Variants in GALK2 observed in about 807,000 individuals in gnomAD.
GALK2 encodes the protein N-acetylgalactosamine kinase.
In GALK2, 36 loss-of-function variants were observed where a neutral mutation model predicts 52.4. That is an observed-to-expected ratio of 0.69 (90% CI 0.53 to 0.91). GALK2 has a LOEUF of 0.91. Among genes scored for constraint, GALK2 ranks in the 40% least tolerant of loss-of-function variants. The pLI is 0.00. For missense variants in GALK2, 579 were observed against 559.1 expected (o/e 1.04, Z -0.36); for synonymous variants, 176 against 199.1 (o/e 0.88, Z 0.98).
At chr15:49,248,205 A>T (rs1379348071) in intron 5 of GALK2, among the ~76,000 whole-genome samples, 2 of 152,228 alleles carry the variant, frequency 1.3e-5, no homozygotes, top group Non-Finnish European at 2.9e-5. Context: ...AATGAAAAGG[A>T]TCTCAAAATT....
At chr15:49,315,897 AC>A (rs749328411) in intron 8 of GALK2, among the ~76,000 whole-genome samples, 6 of 152,180 alleles carry the variant, frequency 3.9e-5, no homozygotes, top group Non-Finnish European at 7.3e-5. Context: ...TTAATAGAAA[AC>A]ATCTCTCTGG....
intron 1 of GALK2, among the ~76,000 whole-genome samples, chr15:49,186,542 CTTTT>C (rs71299506): frequency 1.5e-5 from 2 of 131,090 alleles, no homozygotes; most frequent in Non-Finnish European, 1.6e-5. Context: ...GAATTTTTTT[CTTTT>C]TTTTTTTTTT....
At chr15:49,272,683 T>C (rs2030892329) in intron 5 of GALK2, among the ~76,000 whole-genome samples, 2 of 152,146 alleles carry the variant, frequency 1.3e-5, no homozygotes, top group Admixed American at 6.5e-5. Flanking sequence ...TCTGGAGAAA[T>C]ATCCAAGGTT....
chr15:49,171,886 C>T (rs2085125107), intron 1 of GALK2, among the ~76,000 whole-genome samples: 1 of 152,026 alleles, frequency 6.6e-6, no homozygotes, highest in Non-Finnish European at 1.5e-5. Flanking sequence ...ATTCTCCTGC[C>T]TTAGCCTCCA....
intron 5 of GALK2, among the ~76,000 whole-genome samples, chr15:49,264,146 A>T (rs1024254496): frequency 6.6e-6 from 1 of 151,468 alleles, no homozygotes; most frequent in South Asian, 2.1e-4. Context: ...GTTCTCCTGG[A>T]TAATATCCTG....
At chr15:49,322,968 A>AG (rs2037020610) in intron 9 of GALK2, among the ~76,000 whole-genome samples, 1 of 151,356 alleles carries the variant, frequency 6.6e-6, no homozygotes, top group Non-Finnish European at 1.5e-5. Flanking sequence ...GGTAAAAAAA[A>AG]AAAAAAAAGA....
At chr15:49,156,575 G>A (rs2084460796) in intron 1 of GALK2, 1 of 519,856 alleles carries the variant, frequency 1.9e-6, no homozygotes, top group Non-Finnish European at 3.8e-6. Context: ...GAAAGCTGCT[G>A]AAACACGTCA....
At chr15:49,189,633 C>T (rs1401656234) in intron 1 of GALK2, among the ~76,000 whole-genome samples, 12 of 152,088 alleles carry the variant, frequency 7.9e-5, no homozygotes, top group Admixed American at 7.9e-4. Context: ...TATTACATAA[C>T]ATTATGGTTA....
chr15:49,329,228 T>G lies in GALK2; in HGVS notation c.*1069T>G. 1 of 986,190 alleles carries G rather than the reference T, an allele frequency of 1.0e-6. No individual in the cohort carries two copies. Among genetic ancestry groups the G allele is most frequent in the Non-Finnish European group, 1.2e-6 (1 of 830,438 alleles). 61.1% of individuals were successfully genotyped at this position (986,190 alleles called of 1,614,324 possible). A position where few individuals can be genotyped will look rare whatever the true frequency, so the allele number is the denominator to read the frequency against. ...TGGGATTTGTAATGGTATTGATGGG[T>G]ATCTCTGTATGTATATCAAGAGTGG... On this transcript the variant is annotated 3_prime_UTR_variant, in exon 10 of 10. Transcript: ENST00000560031.
At chr15:49,352,603 AT>A (rs138208207) in intron 3 of GALK2, among the ~76,000 whole-genome samples, 3 of 152,116 alleles carry the variant, frequency 2.0e-5, no homozygotes, top group South Asian at 2.1e-4. Flanking sequence ...GTTATGCATA[AT>A]TTTTTTGTCC....
chr15:49,226,127 C>T lies in GALK2; in HGVS notation c.266+8814C>T, dbSNP rs138129169. ...GGCACCTATGGCTGTATTCTGCTTG[C>T]GGCTGTCATGTGTGCCAAACCTCCA... On this transcript the variant is annotated intron_variant, in intron 3 of 9. Coordinates refer to ENST00000560031, the MANE Select transcript of GALK2 (RefSeq NM_002044.4). Among the ~76,000 whole-genome samples the T allele has an allele frequency of 6.6e-4, 101 of 152,258 alleles. No individual in the cohort carries two copies. In the East Asian group the frequency reaches 0.018, roughly 27 times the overall value.
chr15:49,177,774 G>T, intron 1 of GALK2: 1 of 662,280 alleles, frequency 1.5e-6, no homozygotes, highest in East Asian at 4.9e-5. Flanking sequence ...TCCACTGGGT[G>T]GCAGGATTTT....
chr15:49,316,658 A>G (rs1367645317), intron 8 of GALK2, among the ~76,000 whole-genome samples: 1 of 152,224 alleles, frequency 6.6e-6, no homozygotes, highest in Non-Finnish European at 1.5e-5. Context: ...AGGGCAAAAA[A>G]AAAATTATTG....
chr15:49,232,503 A>T (rs2090557935), intron 3 of GALK2, among the ~76,000 whole-genome samples: 1 of 152,128 alleles, frequency 6.6e-6, no homozygotes, highest in Non-Finnish European at 1.5e-5. Context: ...ACTTATGCAA[A>T]TTTCTGTAGC....
intron 5 of GALK2, among the ~76,000 whole-genome samples, chr15:49,277,411 G>C (rs1485457630): frequency 7.0e-6 from 1 of 142,808 alleles, no homozygotes; most frequent in Non-Finnish European, 1.5e-5. Context: ...CTCGTGATCC[G>C]CCCGCCTCGG....
intron 5 of GALK2, among the ~76,000 whole-genome samples, chr15:49,262,274 AC>A (rs1314434763): frequency 6.6e-6 from 1 of 152,104 alleles, no homozygotes; most frequent in Non-Finnish European, 1.5e-5. Context: ...CAGAGATTCA[AC>A]TTCTTCCTGG....
At chr15:49,271,912 G>GT (rs1364763107) in intron 5 of GALK2, among the ~76,000 whole-genome samples, 2 of 152,208 alleles carry the variant, frequency 1.3e-5, no homozygotes, top group Non-Finnish European at 2.9e-5. Flanking sequence ...CAACGTACAC[G>GT]TTTTTTAACT....
intron 8 of GALK2, among the ~76,000 whole-genome samples, chr15:49,297,786 A>G (rs1484267190): frequency 1.3e-5 from 2 of 152,038 alleles, no homozygotes; most frequent in Admixed American, 6.6e-5. Context: ...GCATCAGTCT[A>G]TGTGTCTGTT....
At chr15:49,244,319 G>C (rs2091244811) in intron 5 of GALK2, among the ~76,000 whole-genome samples, 1 of 151,784 alleles carries the variant, frequency 6.6e-6, no homozygotes, top group Non-Finnish European at 1.5e-5. Context: ...CTGGGTGTTT[G>C]GTATAATAAA....
Sources: gnomAD v4.1 joint callset for allele counts (sites outside exome capture counted in the v4.1 genomes callset) on GRCh38, gnomAD v4.1.1 for gene constraint, MANE v1.5 for transcripts, NCBI Gene and HGNC (gene_info 2026-07-23, HGNC 2026-07-21) for gene names.